The following LDLRAD3 variants were observed in gnomAD, a reference collection of about 807,000 sequenced individuals.
LDLRAD3 encodes low density lipoprotein receptor class A domain containing 3.
In LDLRAD3, 20 loss-of-function variants were observed where a neutral mutation model predicts 29.4. That is an observed-to-expected ratio of 0.68 (90% CI 0.48 to 0.99). The LOEUF (loss-of-function observed/expected upper bound fraction) is 0.99. Ranked by LOEUF, LDLRAD3 falls within the 50% of genes least tolerant of loss-of-function variation. The pLI, the probability that LDLRAD3 is intolerant of heterozygous loss-of-function variation, is 0.00. For missense variants in LDLRAD3, 420 were observed against 454.3 expected, an observed-to-expected ratio of 0.92 and a Z score of 0.69; for synonymous variants, 157 against 192.7, an observed-to-expected ratio of 0.81 and a Z score of 1.53.
chr11:35,992,600 A>T (rs144043721), intron 1 of LDLRAD3, among the ~76,000 whole-genome samples: 8 of 152,362 alleles, frequency 5.3e-5, no homozygotes, highest in African/African-American at 1.9e-4. Context: ...GTTACAAAAG[A>T]CCACATATTG....
intron 2 of LDLRAD3, among the ~76,000 whole-genome samples, chr11:36,058,247 T>C (rs1852650279): frequency 6.6e-6 from 1 of 152,148 alleles, no homozygotes; most frequent in South Asian, 2.1e-4. Flanking sequence ...GCCATTTCCC[T>C]CTGTGCCTCT....
At chr11:36,115,594 G>T (rs1161166700) in intron 4 of LDLRAD3, among the ~76,000 whole-genome samples, 2 of 152,154 alleles carry the variant, frequency 1.3e-5, no homozygotes, top group Non-Finnish European at 2.9e-5. Context: ...CTCAAGCTCT[G>T]CTGTGTCATG....
At chr11:36,142,487 A>C (rs1247861374) in intron 4 of LDLRAD3, among the ~76,000 whole-genome samples, 1 of 152,172 alleles carries the variant, frequency 6.6e-6, no homozygotes, top group African/African-American at 2.4e-5. Context: ...TGAAGTCTGG[A>C]TGTCCTCAAC....
At chr11:36,037,201 T>G (rs1422453152) in intron 2 of LDLRAD3, among the ~76,000 whole-genome samples, 1 of 152,206 alleles carries the variant, frequency 6.6e-6, no homozygotes, top group Non-Finnish European at 1.5e-5. Flanking sequence ...TTTCATGTGC[T>G]TTGGGCACCA....
At chr11:36,013,195 A>AT (rs1364717467) in intron 1 of LDLRAD3, among the ~76,000 whole-genome samples, 1 of 152,012 alleles carries the variant, frequency 6.6e-6, no homozygotes, top group Admixed American at 6.6e-5. Flanking sequence ...GTAATAATAC[A>AT]TTTTTTTCTG....
intron 1 of LDLRAD3, among the ~76,000 whole-genome samples, chr11:36,008,440 GA>G (rs1422083846): frequency 2.6e-5 from 4 of 152,104 alleles, no homozygotes; most frequent in African/African-American, 7.2e-5. Flanking sequence ...ATATAAGGAG[GA>G]ATTTAGAATC....
At chr11:35,980,235 A>G (rs1851523900) in intron 1 of LDLRAD3, among the ~76,000 whole-genome samples, 1 of 152,200 alleles carries the variant, frequency 6.6e-6, no homozygotes, top group Non-Finnish European at 1.5e-5. Flanking sequence ...GAGGCTTCAT[A>G]TAGTGAAATA....
chr11:36,033,125 G>A lies in LDLRAD3; in HGVS notation c.47-2978G>A, dbSNP rs539948432. On this transcript the variant is annotated intron_variant, in intron 1 of 5. Transcript: ENST00000315571. ...TGACCTCAAGTGATCCACCCGCCTCGGCCTCCCAAAGTGCTGTGATTACAG... is the reference window on the plus strand; with the variant it reads ...TGACCTCAAGTGATCCACCCGCCTCAGCCTCCCAAAGTGCTGTGATTACAG... 2.9e-4 allele frequency among the ~76,000 whole-genome samples: 44 copies of A among 152,104 alleles called. 1 individual carries two copies. The South Asian group carries it at 7.3e-3, about 25-fold the overall frequency.
intron 2 of LDLRAD3, among the ~76,000 whole-genome samples, chr11:36,063,694 C>T (rs1333458069): frequency 2.0e-5 from 3 of 152,156 alleles, no homozygotes; most frequent in African/African-American, 4.8e-5. Flanking sequence ...TTTCTTGGCA[C>T]TCTTGTCAAA....
At chr11:36,170,276 A>G (rs2133347141) in intron 4 of LDLRAD3, among the ~76,000 whole-genome samples, 1 of 147,232 alleles carries the variant, frequency 6.8e-6, no homozygotes, top group Non-Finnish European at 1.5e-5. Context: ...ATATACACAT[A>G]TATGTACATA....
intron 2 of LDLRAD3, among the ~76,000 whole-genome samples, chr11:36,062,435 T>A (rs561603405): frequency 1.3e-5 from 2 of 152,268 alleles, no homozygotes; most frequent in South Asian, 4.1e-4. Context: ...AGAAAGCCAA[T>A]CACTGACACG....
At chr11:36,190,006 C>T (rs1854916932) in intron 4 of LDLRAD3, among the ~76,000 whole-genome samples, 1 of 146,796 alleles carries the variant, frequency 6.8e-6, no homozygotes. Context: ...CAAGGATCAC[C>T]AGACATTTGA....
At chr11:36,212,405 CA>C (rs1249460678) in intron 4 of LDLRAD3, among the ~76,000 whole-genome samples, 1 of 152,176 alleles carries the variant, frequency 6.6e-6, no homozygotes, top group East Asian at 1.9e-4. Flanking sequence ...ATTTCTGAAG[CA>C]ATGACACAAT....
chr11:36,000,047 A>G (rs141009426), intron 1 of LDLRAD3, among the ~76,000 whole-genome samples: 193 of 152,316 alleles, frequency 1.3e-3, no homozygotes, highest in African/African-American at 4.5e-3. Context: ...CTATCCAGCA[A>G]CGAAAATGAA....
intron 4 of LDLRAD3, among the ~76,000 whole-genome samples, chr11:36,185,621 G>A (rs902224830): frequency 6.6e-6 from 1 of 152,116 alleles, no homozygotes; most frequent in Non-Finnish European, 1.5e-5. Context: ...CCTCACTGTC[G>A]AGTTCATTAT....
intron 4 of LDLRAD3, among the ~76,000 whole-genome samples, chr11:36,131,660 G>T (rs190014577): frequency 1.3e-5 from 2 of 152,286 alleles, no homozygotes; most frequent in Admixed American, 1.3e-4. Context: ...TGGCTCAGTA[G>T]CATTAAGTAC....
chr11:36,224,333 A>G (rs771257073), intron 4 of LDLRAD3, among the ~76,000 whole-genome samples: 6 of 152,094 alleles, frequency 3.9e-5, no homozygotes, highest in African/African-American at 7.2e-5. Flanking sequence ...AAACAGCTAG[A>G]AGCAGTGGCT....
chr11:36,005,753 C>T (rs935391567), intron 1 of LDLRAD3, among the ~76,000 whole-genome samples: 2 of 152,148 alleles, frequency 1.3e-5, no homozygotes, highest in Non-Finnish European at 2.9e-5. Flanking sequence ...CTAATTTACT[C>T]TCAATTCTGC....
chr11:36,228,038 A>G (rs1194821425), intron 5 of LDLRAD3, among the ~76,000 whole-genome samples: 3 of 152,214 alleles, frequency 2.0e-5, no homozygotes, highest in South Asian at 4.1e-4. Flanking sequence ...ATGGAATTGT[A>G]CAAGAACTCC....
Sources: gnomAD v4.1 joint callset for allele counts (sites outside exome capture counted in the v4.1 genomes callset) on GRCh38, gnomAD v4.1.1 for gene constraint, MANE v1.5 for transcripts, NCBI Gene and HGNC (gene_info 2026-07-23, HGNC 2026-07-21) for gene names.